The following SLC35F3 variants were observed in gnomAD, a reference collection of about 807,000 sequenced individuals.
SLC35F3 encodes solute carrier family 35 member F3, also known as putative thiamine transporter SLC35F3.
SLC35F3 carries 25 observed loss-of-function variants against 49.9 expected under a neutral mutation model. The observed-to-expected ratio is 0.50, with a 90% CI of 0.37 to 0.70. The LOEUF (loss-of-function observed/expected upper bound fraction) is 0.70. SLC35F3 is among the 30% of genes least tolerant of loss of function. The pLI is 0.00. For missense variants in SLC35F3, 525 were observed against 639.8 expected (o/e 0.82, Z 1.94); for synonymous variants, 275 against 265.4 (o/e 1.04, Z -0.35).
At chr1:234,010,514 A>G (rs1663698376) in intron 2 of SLC35F3, among the ~76,000 whole-genome samples, 1 of 152,206 alleles carries the variant, frequency 6.6e-6, no homozygotes, top group Non-Finnish European at 1.5e-5. Context: ...TTTGAATGTA[A>G]ATAGATTAAA....
At chr1:234,020,448 A>G (rs12732301) in intron 2 of SLC35F3, among the ~76,000 whole-genome samples, 19,724 of 151,738 alleles carry the variant, frequency 0.13, 1,594 homozygotes, top group Non-Finnish European at 0.18. Context: ...TAAAAATCTA[A>G]TATGCAGGAA....
intron 2 of SLC35F3, among the ~76,000 whole-genome samples, chr1:234,168,832 C>G (rs1407796673): frequency 1.3e-5 from 2 of 152,332 alleles, no homozygotes; most frequent in South Asian, 2.1e-4. Context: ...CACAGCGAAA[C>G]GACCCCAGCC....
intron 3 of SLC35F3, among the ~76,000 whole-genome samples, chr1:234,280,411 A>C (rs1157059100): frequency 6.6e-6 from 1 of 152,222 alleles, no homozygotes; most frequent in Non-Finnish European, 1.5e-5. Flanking sequence ...TCTACTGAGA[A>C]TCATCATTAG....
chr1:233,966,434 A>C (rs1309893629), intron 2 of SLC35F3, among the ~76,000 whole-genome samples: 1 of 152,114 alleles, frequency 6.6e-6, no homozygotes, highest in Non-Finnish European at 1.5e-5. Context: ...AATCAGACCC[A>C]ATCTGGACAG....
chr1:234,100,842 C>T (rs919789126), intron 2 of SLC35F3, among the ~76,000 whole-genome samples: 2 of 152,282 alleles, frequency 1.3e-5, no homozygotes, highest in Middle Eastern at 3.4e-3. Context: ...CCAGAAAGTG[C>T]GATGCCAGGA....
intron 2 of SLC35F3, among the ~76,000 whole-genome samples, chr1:233,945,311 C>T (rs1662496303): frequency 6.6e-6 from 1 of 152,050 alleles, no homozygotes; most frequent in Non-Finnish European, 1.5e-5. Flanking sequence ...CCCCAGTATG[C>T]CTCCAATTGT....
intron 3 of SLC35F3, among the ~76,000 whole-genome samples, chr1:234,232,964 G>A (rs1312010453): frequency 1.3e-5 from 2 of 152,198 alleles, no homozygotes; most frequent in Non-Finnish European, 2.9e-5. Context: ...TTCTGGAGGA[G>A]GGGGCTCTGA....
intron 2 of SLC35F3, among the ~76,000 whole-genome samples, chr1:233,975,784 T>C (rs563404799): frequency 2.0e-5 from 3 of 152,296 alleles, no homozygotes; most frequent in Non-Finnish European, 4.4e-5. Context: ...CCGGAGCACA[T>C]GTGCAGCTCG....
chr1:234,247,679 G>T (rs1408385729), intron 3 of SLC35F3, among the ~76,000 whole-genome samples: 4 of 151,780 alleles, frequency 2.6e-5, no homozygotes, highest in African/African-American at 7.3e-5. Flanking sequence ...TGTTCTGTGG[G>T]TCGGTTGGCT....
chr1:234,221,894 C>A (rs577023665), intron 2 of SLC35F3, among the ~76,000 whole-genome samples: 7 of 152,162 alleles, frequency 4.6e-5, no homozygotes, highest in Non-Finnish European at 1.0e-4. Context: ...TTCTAAGAGT[C>A]TACTAAGTAG....
intron 3 of SLC35F3, among the ~76,000 whole-genome samples, chr1:234,283,625 T>C (rs1445938041): frequency 6.6e-6 from 1 of 152,108 alleles, no homozygotes; most frequent in East Asian, 1.9e-4. Context: ...TCTAGAATCA[T>C]TGAGAGGGAA....
chr1:234,051,471 A>T (rs1039295267), intron 2 of SLC35F3, among the ~76,000 whole-genome samples: 2 of 152,070 alleles, frequency 1.3e-5, no homozygotes, highest in Admixed American at 1.3e-4. Flanking sequence ...AATGCTTGTG[A>T]TTTTTGCACA....
chr1:234,076,455 A>G (rs1366022666), intron 2 of SLC35F3, among the ~76,000 whole-genome samples: 2 of 149,482 alleles, frequency 1.3e-5, no homozygotes, highest in Admixed American at 6.7e-5. Flanking sequence ...AATAATAATC[A>G]TCATAATAAT....
intron 2 of SLC35F3, among the ~76,000 whole-genome samples, chr1:233,950,788 T>G (rs1389173545): frequency 6.6e-6 from 1 of 152,146 alleles, no homozygotes; most frequent in Non-Finnish European, 1.5e-5. Flanking sequence ...ACATCTATAT[T>G]TTTATTAATT....
intron 2 of SLC35F3, among the ~76,000 whole-genome samples, chr1:233,973,943 T>G (rs538557139): frequency 1.4e-4 from 22 of 152,330 alleles, no homozygotes; most frequent in African/African-American, 4.8e-4. Flanking sequence ...CAATTGATTC[T>G]GAAGAAATAA....
intron 2 of SLC35F3, among the ~76,000 whole-genome samples, chr1:234,037,021 A>G (rs1013423456): frequency 3.9e-5 from 6 of 152,240 alleles, no homozygotes; most frequent in African/African-American, 1.4e-4. Context: ...ACAAATATTT[A>G]TAGTAAGCCT....
At chr1:234,205,795 GAGGGTTTTAGGAGCC>G (rs1325658771) in intron 2 of SLC35F3, among the ~76,000 whole-genome samples, 1 of 152,200 alleles carries the variant, frequency 6.6e-6, no homozygotes, top group African/African-American at 2.4e-5. Context: ...GAGCAAGGAG[GAGGGTTTTAGGAGCC>G]AGAAATCCAG....
At chr1:234,108,043 C>G (rs1475118809) in intron 2 of SLC35F3, among the ~76,000 whole-genome samples, 1 of 150,742 alleles carries the variant, frequency 6.6e-6, no homozygotes, top group Non-Finnish European at 1.5e-5. Flanking sequence ...CATAAGCCCC[C>G]TAAGGAAAAA....
Position 234,178,562 on chromosome 1 carries a change from C to CA in SLC35F3, c.284-52854dup, listed in dbSNP as rs1177399263. On this transcript the variant is annotated intron_variant, in intron 2 of 7. Transcript: ENST00000366618. ...TTGCTCCCATACCCGCACAGCCTGC[C>CA]ACACTGTCAGCATCCCCCAGTGGTG... Among the ~76,000 whole-genome samples, 4 of 152,288 alleles carry CA rather than the reference C, an allele frequency of 2.6e-5. 1 individual carries two copies. The Middle Eastern group carries it at 0.014, about 518-fold the overall frequency.
Sources: gnomAD v4.1 joint callset for allele counts (sites outside exome capture counted in the v4.1 genomes callset) on GRCh38, gnomAD v4.1.1 for gene constraint, MANE v1.5 for transcripts, NCBI Gene and HGNC (gene_info 2026-07-23, HGNC 2026-07-21) for gene names.